Variants in DROSHA observed in about 807,000 individuals in gnomAD.
The protein encoded by DROSHA is ribonuclease 3.
A neutral mutation model predicts 181.9 loss-of-function variants in DROSHA; 56 were observed. The ratio of observed to expected loss-of-function variants is 0.31; its 90% CI spans 0.25 to 0.38. The LOEUF is 0.38. DROSHA is among the 10% of genes least tolerant of loss of function. The pLI is 1.00. For synonymous variants in DROSHA, 524 were observed against 591.2 expected, an observed-to-expected ratio of 0.89 and a Z score of 1.65; for missense variants, 1,218 against 1,743.5, an observed-to-expected ratio of 0.70 and a Z score of 5.37.
intron 25 of DROSHA, among the ~76,000 whole-genome samples, chr5:31,434,911 A>G (rs547831503): frequency 1.3e-5 from 2 of 152,364 alleles, no homozygotes; most frequent in South Asian, 4.1e-4. Flanking sequence ...CTACAAAATT[A>G]TTAACATCTT....
intron 35 of DROSHA, among the ~76,000 whole-genome samples, chr5:31,403,734 G>T (rs1051538271): frequency 1.3e-5 from 2 of 152,194 alleles, no homozygotes; most frequent in South Asian, 4.1e-4. Flanking sequence ...CCAGTGGGCT[G>T]CAATGGCAGA....
At chr5:31,443,803 G>C (rs1246278150) in intron 23 of DROSHA, among the ~76,000 whole-genome samples, 1 of 152,118 alleles carries the variant, frequency 6.6e-6, no homozygotes, top group African/African-American at 2.4e-5. Context: ...TCCCCCCGCT[G>C]CCCTATTTCT....
chr5:31,426,087 C>A (rs1451097340), intron 27 of DROSHA, among the ~76,000 whole-genome samples: 4 of 152,090 alleles, frequency 2.6e-5, no homozygotes, highest in Admixed American at 1.3e-4. Context: ...ATGTCTTATA[C>A]CGAAACAAGA....
intron 21 of DROSHA, among the ~76,000 whole-genome samples, chr5:31,450,433 T>C (rs1252079553): frequency 6.6e-6 from 1 of 152,188 alleles, no homozygotes; most frequent in Non-Finnish European, 1.5e-5. Flanking sequence ...TCAACCTAAG[T>C]GCCTATCAAC....
intron 20 of DROSHA, among the ~76,000 whole-genome samples, chr5:31,455,268 T>C (rs570157352): frequency 6.6e-6 from 1 of 152,074 alleles, no homozygotes; most frequent in African/African-American, 2.4e-5. Context: ...ATAAGATGCA[T>C]ATATCTTATA....
rs1052938534 is a variant in DROSHA, at chr5:31,514,946, G to T, written c.1290+42C>A. The T allele has an allele frequency of 6.3e-7, 1 of 1,583,046 alleles. No homozygotes were observed. The highest frequency in any genetic ancestry group is 1.1e-5 in the South Asian group (1 of 88,864). On this transcript the variant is annotated intron_variant, in intron 8 of 35. Transcript: ENST00000344624. This position sits in a 1 kb window ranked among gnomAD's most constrained non-coding sequence, Gnocchi z 4.4. ...CCCAAAGGCCAATAGTGACAACGCC[G>T]AGAAGCCCTAGTCTACAGCTTGTCT...
intron 16 of DROSHA, among the ~76,000 whole-genome samples, chr5:31,473,944 A>G (rs1750057295): frequency 6.6e-6 from 1 of 152,136 alleles, no homozygotes; most frequent in Admixed American, 6.5e-5. Flanking sequence ...CTGAGATGGG[A>G]GCATGTTTTT....
At chr5:31,466,493 A>G in intron 18 of DROSHA, 1 of 473,620 alleles carries the variant, frequency 2.1e-6, no homozygotes, top group Non-Finnish European at 3.8e-6. Context: ...GATTAAGTTG[A>G]TTATTGCTTA....
intron 16 of DROSHA, among the ~76,000 whole-genome samples, chr5:31,479,830 T>A (rs1348620982): frequency 6.6e-6 from 1 of 152,104 alleles, no homozygotes; most frequent in African/African-American, 2.4e-5. Context: ...CATATATACA[T>A]ATTTTTCTGT....
intron 27 of DROSHA, 42 bp from the exon 28 acceptor site, chr5:31,424,513 T>TA: frequency 6.4e-7 from 1 of 1,565,948 alleles, no homozygotes; most frequent in Non-Finnish European, 8.7e-7. Context: ...AGGGAGCCAT[T>TA]TAACGCACTC....
chr5:31,441,671 T>C (rs1438848318), intron 23 of DROSHA, among the ~76,000 whole-genome samples: 5 of 152,326 alleles, frequency 3.3e-5, no homozygotes, highest in African/African-American at 1.2e-4. Context: ...AGAGGCATGA[T>C]TTAATGGTAA....
chr5:31,508,766 C>G lies in DROSHA; in HGVS notation c.1442G>C (p.Ser481Thr), dbSNP rs377493838. ...TKLDEDLESSSESECESDEDS... is the reference protein window; with the variant it reads ...TKLDEDLESSTESECESDEDS... ...CTCATCAGACTCACACTCGGATTCA[C>G]TGGAACTCTCTAACAGGGGTTGGGA... Residue 481 changes from serine (S) to threonine (T), a missense_variant, in exon 10 of 36, where the codon AGT (serine) becomes ACT (threonine). This residue lies in a region of DROSHA where 460 missense variants were observed against 774.2 expected (regional missense o/e 0.59). Coordinates refer to ENST00000344624, the MANE Select transcript of DROSHA (RefSeq NM_001382508.1). The G allele has an allele frequency of 3.1e-6, 5 of 1,613,532 alleles. No individual in the cohort carries two copies. The highest frequency in any genetic ancestry group is 4.2e-6 in the Non-Finnish European group (5 of 1,179,730).
chr5:31,411,000 A>G, intron 30 of DROSHA, 113 bp from the exon 31 acceptor site: 1 of 1,471,574 alleles, frequency 6.8e-7, no homozygotes, highest in Non-Finnish European at 9.2e-7. Context: ...ACACCAAAAT[A>G]AGTGAGGTCT....
At chr5:31,523,035 G>A (rs774208296) in intron 5 of DROSHA, among the ~76,000 whole-genome samples, 5 of 152,124 alleles carry the variant, frequency 3.3e-5, no homozygotes, top group Admixed American at 6.5e-5. Flanking sequence ...AGCAGGGGAG[G>A]GGCAACAAGA....
intron 21 of DROSHA, among the ~76,000 whole-genome samples, chr5:31,450,193 G>C (rs557985152): frequency 6.6e-6 from 1 of 152,162 alleles, no homozygotes; most frequent in African/African-American, 2.4e-5. Context: ...GTGATGCAGT[G>C]AAAAGGGAAG....
intron 20 of DROSHA, among the ~76,000 whole-genome samples, chr5:31,460,526 C>T (rs1228585692): frequency 2.0e-5 from 3 of 152,128 alleles, no homozygotes; most frequent in African/African-American, 7.2e-5. Flanking sequence ...CATCTCAAGG[C>T]TTTCACTAGC....
intron 26 of DROSHA, among the ~76,000 whole-genome samples, chr5:31,430,427 G>A (rs1467631790): frequency 6.6e-6 from 1 of 152,176 alleles, no homozygotes; most frequent in Non-Finnish European, 1.5e-5. Context: ...TGGGGGGACA[G>A]CTTAAGGAAG....
intron 8 of DROSHA, among the ~76,000 whole-genome samples, chr5:31,513,787 C>G (rs1400035437): frequency 6.6e-6 from 1 of 152,126 alleles, no homozygotes; most frequent in South Asian, 2.1e-4. Flanking sequence ...GAAATCTGCA[C>G]GAGTTCATTA....
intron 34 of DROSHA, among the ~76,000 whole-genome samples, 157 bp from the exon 35 acceptor site, chr5:31,405,880 C>T (rs2149984535): frequency 6.8e-6 from 1 of 146,208 alleles, no homozygotes; most frequent in East Asian, 2.1e-4. Flanking sequence ...CAGTGTCACA[C>T]ACTGAATTGC....
Sources: gnomAD v4.1 joint callset for allele counts (sites outside exome capture counted in the v4.1 genomes callset) on GRCh38, gnomAD v4.1.1 for gene constraint, gnomAD v4.1.1 regional missense constraint, Gnocchi (gnomAD v3.1) non-coding constraint, MANE v1.5 for transcripts, NCBI Gene and HGNC (gene_info 2026-07-23, HGNC 2026-07-21) for gene names.